CDK14: variants seen among roughly 807,000 people sequenced by gnomAD.
The protein encoded by CDK14 is cyclin dependent kinase 14.
CDK14 carries 34 observed loss-of-function variants against 60.7 expected under a neutral mutation model. That is an observed-to-expected ratio of 0.56 (90% CI 0.43 to 0.75). CDK14 has a LOEUF of 0.75. Among genes scored for constraint, CDK14 ranks in the 30% least tolerant of loss-of-function variants. The probability of loss-of-function intolerance (pLI) is 0.00; values close to 1 mark genes in which losing one functional copy is unlikely to be tolerated. For missense variants in CDK14, 482 were observed against 564.1 expected (o/e 0.85, Z 1.47); for synonymous variants, 197 against 203.7 (o/e 0.97, Z 0.28).
intron 12 of CDK14, among the ~76,000 whole-genome samples, chr7:91,092,540 G>A (rs1238659184): frequency 1.3e-5 from 2 of 152,236 alleles, no homozygotes; most frequent in Non-Finnish European, 2.9e-5. Context: ...AAGATTGGTA[G>A]CCTTTCCGTT....
At chr7:90,811,550 G>A (rs1789112904) in intron 5 of CDK14, among the ~76,000 whole-genome samples, 1 of 151,994 alleles carries the variant, frequency 6.6e-6, no homozygotes, top group African/African-American at 2.4e-5. Flanking sequence ...TCAGGACATA[G>A]GCATGGGCAA....
chr7:90,957,088 T>C (rs1794443926), intron 9 of CDK14, among the ~76,000 whole-genome samples: 1 of 150,376 alleles, frequency 6.6e-6, no homozygotes, highest in East Asian at 2.0e-4. Flanking sequence ...TGTGCATGTG[T>C]CTTTATAGCA....
chr7:90,974,987 G>A (rs1469639174), intron 9 of CDK14, among the ~76,000 whole-genome samples: 2 of 152,088 alleles, frequency 1.3e-5, no homozygotes, highest in African/African-American at 2.4e-5. Context: ...ATTTTTAAAA[G>A]CAAAAGACCA....
At chr7:91,078,753 AT>A (rs1228103473) in intron 11 of CDK14, among the ~76,000 whole-genome samples, 3 of 152,246 alleles carry the variant, frequency 2.0e-5, no homozygotes, top group Non-Finnish European at 4.4e-5. Context: ...GGATGGGTGT[AT>A]TTCATAAACA....
intron 5 of CDK14, among the ~76,000 whole-genome samples, chr7:90,794,369 G>A (rs983471391): frequency 1.3e-5 from 2 of 152,200 alleles, no homozygotes; most frequent in East Asian, 1.9e-4. Flanking sequence ...TTTATTAGGC[G>A]GGAATTTCCT....
At chr7:90,857,481 C>T (rs1472092073) in intron 5 of CDK14, among the ~76,000 whole-genome samples, 1 of 152,194 alleles carries the variant, frequency 6.6e-6, no homozygotes, top group Admixed American at 6.5e-5. Context: ...ATTCTAATTA[C>T]AAGTCTTTTG....
chr7:90,907,699 A>C (rs1792756357), intron 7 of CDK14, among the ~76,000 whole-genome samples: 1 of 152,156 alleles, frequency 6.6e-6, no homozygotes, highest in South Asian at 2.1e-4. Context: ...TCCTATTGGC[A>C]TAAAGCTGAT....
intron 10 of CDK14, among the ~76,000 whole-genome samples, chr7:91,015,888 A>G (rs1796291806): frequency 6.6e-6 from 1 of 152,114 alleles, no homozygotes; most frequent in South Asian, 2.1e-4. Context: ...TTAGCAGATT[A>G]CTATGTTTTA....
At chr7:91,021,706 A>T (rs980452645) in intron 10 of CDK14, among the ~76,000 whole-genome samples, 1 of 152,142 alleles carries the variant, frequency 6.6e-6, no homozygotes, top group Non-Finnish European at 1.5e-5. Context: ...CCTGATTTGA[A>T]ATTTTGTGGA....
chr7:91,088,950 TGTGA>T (rs368825233), intron 12 of CDK14, among the ~76,000 whole-genome samples: 6 of 152,288 alleles, frequency 3.9e-5, no homozygotes, highest in African/African-American at 9.6e-5. Flanking sequence ...CATGTGTGTG[TGTGA>T]GTGTGTGTTT....
chr7:90,866,188 C>T (rs1449563118), intron 6 of CDK14, among the ~76,000 whole-genome samples: 2 of 150,474 alleles, frequency 1.3e-5, no homozygotes, highest in African/African-American at 2.4e-5. Context: ...ATAGTATTGT[C>T]ACATATATGC....
intron 6 of CDK14, among the ~76,000 whole-genome samples, chr7:90,894,719 C>A (rs982276144): frequency 6.6e-6 from 1 of 152,158 alleles, no homozygotes; most frequent in Non-Finnish European, 1.5e-5. Flanking sequence ...TAGAGTTCAT[C>A]TTATTTATGC....
intron 6 of CDK14, among the ~76,000 whole-genome samples, chr7:90,888,505 G>A (rs969103262): frequency 6.6e-6 from 1 of 152,086 alleles, no homozygotes; most frequent in African/African-American, 2.4e-5. Flanking sequence ...TTTCAGGATG[G>A]CTGTATTTGA....
At chr7:90,903,083 AT>A (rs1792569309) in intron 7 of CDK14, among the ~76,000 whole-genome samples, 1 of 152,182 alleles carries the variant, frequency 6.6e-6, no homozygotes, top group African/African-American at 2.4e-5. Context: ...AAGACAAAAC[AT>A]AACAAATGTT....
intron 8 of CDK14, among the ~76,000 whole-genome samples, chr7:90,937,004 A>G (rs545142254): frequency 1.6e-4 from 25 of 152,238 alleles, no homozygotes; most frequent in African/African-American, 5.1e-4. Flanking sequence ...ACTTAAGCCC[A>G]GGATTTCAAG....
intron 2 of CDK14, among the ~76,000 whole-genome samples, chr7:90,673,470 C>T (rs1051230060): frequency 6.6e-6 from 1 of 151,090 alleles, no homozygotes; most frequent in Non-Finnish European, 1.5e-5. Context: ...ACAATCACAG[C>T]CCACCCGGTG....
intron 9 of CDK14, among the ~76,000 whole-genome samples, chr7:90,977,145 G>A (rs141970542): frequency 9.7e-4 from 147 of 152,108 alleles, no homozygotes; most frequent in African/African-American, 3.2e-3. Context: ...TTGTTCTTCC[G>A]GATAAGAATA....
intron 10 of CDK14, among the ~76,000 whole-genome samples, chr7:90,990,575 G>A (rs766114508): frequency 5.3e-5 from 8 of 151,740 alleles, no homozygotes; most frequent in African/African-American, 7.3e-5. Context: ...TAAAAGAAAC[G>A]TATGAGAAAA....
At chr7:91,060,228 CTT>C (rs373760085) in intron 11 of CDK14, among the ~76,000 whole-genome samples, 1 of 142,026 alleles carries the variant, frequency 7.0e-6, no homozygotes, top group Non-Finnish European at 1.5e-5. Flanking sequence ...CAACCCCTGC[CTT>C]TTTTTTTTTT....
Sources: gnomAD v4.1 joint callset for allele counts (sites outside exome capture counted in the v4.1 genomes callset) on GRCh38, gnomAD v4.1.1 for gene constraint, MANE v1.5 for transcripts, NCBI Gene and HGNC (gene_info 2026-07-23, HGNC 2026-07-21) for gene names.